The following OLA1 variants were observed in gnomAD, a reference collection of about 807,000 sequenced individuals.
The protein encoded by OLA1 is Obg like ATPase 1, also known as obg-like ATPase 1.
OLA1 carries 14 observed loss-of-function variants against 48.4 expected under a neutral mutation model. That is an observed-to-expected ratio of 0.29 (90% CI 0.19 to 0.45). The LOEUF (loss-of-function observed/expected upper bound fraction) is 0.45, where lower values mean the gene tolerates loss of function less well. Ranked by LOEUF, OLA1 falls within the 20% of genes least tolerant of loss-of-function variation. The pLI is 1.00. For synonymous variants in OLA1, 127 were observed against 150.4 expected, an observed-to-expected ratio of 0.84 and a Z score of 1.14; for missense variants, 325 against 467.1, an observed-to-expected ratio of 0.70 and a Z score of 2.80.
rs1684628779 is a variant in OLA1 at position 174,072,700 on chromosome 2, T to C, written c.*2726A>G. The stretch of plus-strand genomic sequence containing the variant: ...GTTTACAAAGGAGCTTTGGAAATAT[T>C]ATACACAGACAACTAGAGACAAACA... On this transcript the variant is annotated 3_prime_UTR_variant, in exon 11 of 11. Transcript: ENST00000284719. 6.6e-6 allele frequency: 1 copy of C among 152,196 alleles called. No homozygotes were observed. Among genetic ancestry groups the C allele is most frequent in the African/African-American group, 2.4e-5 (1 of 41,440 alleles). 9.4% of individuals were successfully genotyped at this position (152,196 alleles called of 1,614,324 possible).
intron 4 of OLA1, among the ~76,000 whole-genome samples, chr2:174,202,274 G>C (rs772554981): frequency 6.6e-6 from 1 of 152,206 alleles, no homozygotes; most frequent in Non-Finnish European, 1.5e-5. Context: ...TAAAGATGCA[G>C]TATGAAATCA....
At chr2:174,202,563 C>G (rs1392674433) in intron 4 of OLA1, among the ~76,000 whole-genome samples, 1 of 152,162 alleles carries the variant, frequency 6.6e-6, no homozygotes, top group Non-Finnish European at 1.5e-5. Context: ...ACTAGTGATG[C>G]TGGCAGTGCT....
At chr2:174,078,160 ACT>A (rs1491466822) in intron 10 of OLA1, among the ~76,000 whole-genome samples, 1 of 151,960 alleles carries the variant, frequency 6.6e-6, no homozygotes, top group African/African-American at 2.4e-5. Context: ...CCTGAAATAA[ACT>A]TTTTTGTATT....
At chr2:174,126,099 A>T (rs1330847658) in intron 5 of OLA1, among the ~76,000 whole-genome samples, 1 of 152,126 alleles carries the variant, frequency 6.6e-6, no homozygotes, top group Non-Finnish European at 1.5e-5. Context: ...TATAGTTTCA[A>T]TGTGCTCTTT....
At chr2:174,078,519 T>G (rs1343765056) in intron 10 of OLA1, among the ~76,000 whole-genome samples, 3 of 151,914 alleles carry the variant, frequency 2.0e-5, no homozygotes, top group Non-Finnish European at 4.4e-5. Context: ...TCCCCAAGTA[T>G]CTTTAAACAA....
At chr2:174,087,243 C>G (rs1026266771) in intron 7 of OLA1, among the ~76,000 whole-genome samples, 9 of 152,020 alleles carry the variant, frequency 5.9e-5, no homozygotes, top group Non-Finnish European at 1.2e-4. Context: ...CCAAGAGGGT[C>G]TCGGTCTCTT....
chr2:174,084,608 G>A (rs1312806890), intron 7 of OLA1, among the ~76,000 whole-genome samples: 1 of 152,210 alleles, frequency 6.6e-6, no homozygotes, highest in Non-Finnish European at 1.5e-5. Context: ...ACAAAAGTGT[G>A]ATAATGAGGC....
chr2:174,084,960 C>T (rs1327870244), intron 7 of OLA1, among the ~76,000 whole-genome samples: 1 of 152,144 alleles, frequency 6.6e-6, no homozygotes, highest in Non-Finnish European at 1.5e-5. Flanking sequence ...AGACAGTAGA[C>T]CCCTAAAGAG....
chr2:174,152,849 T>C (rs181480443), intron 4 of OLA1, among the ~76,000 whole-genome samples: 4 of 152,318 alleles, frequency 2.6e-5, no homozygotes, highest in African/African-American at 9.6e-5. Flanking sequence ...AAAATAGATA[T>C]AACAAAGGCC....
chr2:174,192,444 C>A (rs981708721), intron 4 of OLA1, among the ~76,000 whole-genome samples: 12 of 152,080 alleles, frequency 7.9e-5, no homozygotes, highest in African/African-American at 2.9e-4. Flanking sequence ...GCCTACACAC[C>A]ACTTCATATT....
At chr2:174,117,744 C>A (rs531941814) in intron 7 of OLA1, among the ~76,000 whole-genome samples, 1 of 152,172 alleles carries the variant, frequency 6.6e-6, no homozygotes, top group Non-Finnish European at 1.5e-5. Flanking sequence ...CTCCACCCTT[C>A]TCCCAGGAAA....
intron 4 of OLA1, among the ~76,000 whole-genome samples, chr2:174,143,325 T>C (rs1686504312): frequency 6.6e-6 from 1 of 152,224 alleles, no homozygotes; most frequent in Non-Finnish European, 1.5e-5. Context: ...GACAGTGGTT[T>C]AGGTAAATTT....
intron 4 of OLA1, among the ~76,000 whole-genome samples, chr2:174,167,858 C>T (rs929409300): frequency 3.9e-5 from 6 of 152,104 alleles, no homozygotes; most frequent in Admixed American, 6.5e-5. Flanking sequence ...TGACTTATTA[C>T]GTAGCCTAAA....
At chr2:174,213,657 C>T (rs1432165612) in intron 4 of OLA1, among the ~76,000 whole-genome samples, 1 of 152,158 alleles carries the variant, frequency 6.6e-6, no homozygotes, top group African/African-American at 2.4e-5. Flanking sequence ...ATAACGCACC[C>T]TGCTTTCAGA....
At chr2:174,129,265 T>C (rs1686121018) in intron 5 of OLA1, among the ~76,000 whole-genome samples, 2 of 152,072 alleles carry the variant, frequency 1.3e-5, no homozygotes, top group South Asian at 4.1e-4. Flanking sequence ...GATACCATCC[T>C]GGCTAACACA....
chr2:174,218,663 T>C (rs1352301295), intron 4 of OLA1, among the ~76,000 whole-genome samples: 1 of 152,184 alleles, frequency 6.6e-6, no homozygotes, highest in Non-Finnish European at 1.5e-5. Flanking sequence ...TTAGTACACT[T>C]TGCAAACAAA....
At chr2:174,118,089 G>C (rs959702692) in intron 7 of OLA1, among the ~76,000 whole-genome samples, 1 of 152,138 alleles carries the variant, frequency 6.6e-6, no homozygotes, top group Non-Finnish European at 1.5e-5. Flanking sequence ...AGAGAGCAAA[G>C]GTGTAGGTGC....
intron 4 of OLA1, among the ~76,000 whole-genome samples, chr2:174,197,432 GT>G (rs35782392): frequency 0.54 from 79,950 of 148,556 alleles, 21,698 homozygotes; most frequent in East Asian, 0.93. Context: ...TTGGTTTGTT[GT>G]TTTTTTTTTT....
At chr2:174,114,736 T>G (rs1386680059) in intron 7 of OLA1, among the ~76,000 whole-genome samples, 1 of 152,230 alleles carries the variant, frequency 6.6e-6, no homozygotes, top group Non-Finnish European at 1.5e-5. Context: ...GAAAAGGCAC[T>G]GCTAAATCTT....
Sources: gnomAD v4.1 joint callset for allele counts (sites outside exome capture counted in the v4.1 genomes callset) on GRCh38, gnomAD v4.1.1 for gene constraint, MANE v1.5 for transcripts, NCBI Gene and HGNC (gene_info 2026-07-23, HGNC 2026-07-21) for gene names.